The following TMEM108 variants were observed in gnomAD, a reference collection of about 807,000 sequenced individuals.
The protein encoded by TMEM108 is cancer/testis antigen 124.
TMEM108 carries 12 observed loss-of-function variants against 35.1 expected under a neutral mutation model. The ratio of observed to expected loss-of-function variants is 0.34; its 90% confidence interval spans 0.22 to 0.55. The LOEUF (loss-of-function observed/expected upper bound fraction) is 0.55, where lower values mean the gene tolerates loss of function less well. TMEM108 is among the 20% of genes least tolerant of loss of function. The pLI is 0.89. For synonymous variants in TMEM108, 287 were observed against 308.6 expected, an observed-to-expected ratio of 0.93 and a Z score of 0.73; for missense variants, 680 against 753.3, an observed-to-expected ratio of 0.90 and a Z score of 1.14.
At chr3:133,242,999 G>C (rs1436642285) in intron 3 of TMEM108, among the ~76,000 whole-genome samples, 1 of 152,198 alleles carries the variant, frequency 6.6e-6, no homozygotes. Flanking sequence ...AAAAGGCAGA[G>C]AAACAAGGGT....
chr3:133,220,173 G>A (rs1347377508), intron 2 of TMEM108, among the ~76,000 whole-genome samples: 1 of 151,034 alleles, frequency 6.6e-6, no homozygotes, highest in Non-Finnish European at 1.5e-5. Context: ...TGTTTGCATG[G>A]ATTATTTTTC....
chr3:133,303,147 A>AT (rs1214508024), intron 3 of TMEM108: 1 of 152,032 alleles, frequency 6.6e-6, no homozygotes, highest in Non-Finnish European at 1.5e-5. Context: ...CTCTTAACTG[A>AT]TTTTTTAGTG....
intron 2 of TMEM108, among the ~76,000 whole-genome samples, chr3:133,085,465 G>A (rs1943869940): frequency 6.6e-6 from 1 of 152,184 alleles, no homozygotes; most frequent in African/African-American, 2.4e-5. Flanking sequence ...AGAGGCTACA[G>A]CAAGAGATGG....
chr3:133,208,505 C>T (rs1945789969), intron 2 of TMEM108, among the ~76,000 whole-genome samples: 1 of 152,060 alleles, frequency 6.6e-6, no homozygotes, highest in African/African-American at 2.4e-5. Flanking sequence ...TCCAGCTATC[C>T]CATGGTTAGT....
chr3:133,271,745 C>A (rs1946773973), intron 3 of TMEM108, among the ~76,000 whole-genome samples: 1 of 152,102 alleles, frequency 6.6e-6, no homozygotes, highest in Non-Finnish European at 1.5e-5. Flanking sequence ...CTGTCATGAG[C>A]CAGCCCCACC....
intron 2 of TMEM108, among the ~76,000 whole-genome samples, chr3:133,191,001 A>G (rs1387076222): frequency 6.8e-6 from 1 of 146,648 alleles, no homozygotes; most frequent in East Asian, 2.3e-4. Flanking sequence ...ATTAAATGGT[A>G]GTTCTTAGCA....
rs149566619 is a variant in TMEM108 at position 133,384,074 on chromosome 3, T to A, written c.1450+2913T>A. 2.9e-3 allele frequency among the ~76,000 whole-genome samples: 441 copies of A among 152,336 alleles called. 6 individuals carry two copies. Among genetic ancestry groups the A allele is most frequent in the African/African-American group, 1.0e-2 (414 of 41,582 alleles). ...TCCTCATCTATTTGGACTGTTTTCA[T>A]AGCCCAGCACCACTCTAGTTATCAG... On this transcript the variant is annotated intron_variant, in intron 4 of 5. Coordinates refer to ENST00000321871, the MANE Select transcript of TMEM108 (RefSeq NM_023943.4).
intron 2 of TMEM108, among the ~76,000 whole-genome samples, chr3:133,101,520 G>A (rs1369683931): frequency 6.6e-6 from 1 of 152,106 alleles, no homozygotes. Flanking sequence ...GAGCAGTCCT[G>A]ACCTCCCCAA....
intron 5 of TMEM108, among the ~76,000 whole-genome samples, chr3:133,393,504 TCAC>T (rs2073263698): frequency 6.6e-6 from 1 of 152,214 alleles, no homozygotes; most frequent in Admixed American, 6.5e-5. Flanking sequence ...TAAATGTTGT[TCAC>T]CACAATTTAC....
intron 3 of TMEM108, among the ~76,000 whole-genome samples, chr3:133,279,378 A>G (rs1274368945): frequency 2.0e-5 from 3 of 152,216 alleles, no homozygotes; most frequent in South Asian, 2.1e-4. Flanking sequence ...ATGTAAAGAC[A>G]TAACCCAAGG....
intron 2 of TMEM108, among the ~76,000 whole-genome samples, chr3:133,220,966 CA>C (rs1372929575): frequency 1.3e-5 from 2 of 152,140 alleles, no homozygotes; most frequent in Non-Finnish European, 2.9e-5. Flanking sequence ...ATAAAGGATA[CA>C]GGTGAACAGC....
intron 2 of TMEM108, among the ~76,000 whole-genome samples, chr3:133,047,661 G>T (rs1943356609): frequency 6.6e-6 from 1 of 152,164 alleles, no homozygotes; most frequent in South Asian, 2.1e-4. Flanking sequence ...ATTGCCAAAT[G>T]TCCCCTGGAG....
intron 3 of TMEM108, among the ~76,000 whole-genome samples, chr3:133,254,795 T>C (rs1946522289): frequency 3.3e-5 from 5 of 152,160 alleles, no homozygotes; most frequent in African/African-American, 1.2e-4. Context: ...GTCAGTGACT[T>C]AGGATATAGG....
At chr3:133,305,069 G>A (rs1947283125) in intron 3 of TMEM108, among the ~76,000 whole-genome samples, 2 of 152,038 alleles carry the variant, frequency 1.3e-5, no homozygotes, top group South Asian at 2.1e-4. Context: ...AGGCAACAGA[G>A]CGAGACTCTG....
intron 3 of TMEM108, among the ~76,000 whole-genome samples, chr3:133,335,861 G>T (rs952083528): frequency 1.3e-5 from 2 of 152,168 alleles, no homozygotes; most frequent in African/African-American, 4.8e-5. Context: ...CCTCTGCCGG[G>T]AGCTGCACGG....
At chr3:133,097,635 C>CT (rs1944032067) in intron 2 of TMEM108, among the ~76,000 whole-genome samples, 1 of 152,164 alleles carries the variant, frequency 6.6e-6, no homozygotes, top group African/African-American at 2.4e-5. Context: ...ATATTGACTA[C>CT]TACCTATTTT....
At chr3:133,383,820 G>A (rs1366316031) in intron 4 of TMEM108, among the ~76,000 whole-genome samples, 1 of 152,180 alleles carries the variant, frequency 6.6e-6, no homozygotes, top group Non-Finnish European at 1.5e-5. Flanking sequence ...GACTCTGGTA[G>A]CCCCTTGGGA....
At chr3:133,270,301 G>A (rs760264863) in intron 3 of TMEM108, among the ~76,000 whole-genome samples, 1 of 152,128 alleles carries the variant, frequency 6.6e-6, no homozygotes, top group Non-Finnish European at 1.5e-5. Flanking sequence ...TTAGTCTTTT[G>A]TGTTTGCTGC....
At chr3:133,132,800 A>G (rs1194157652) in intron 2 of TMEM108, among the ~76,000 whole-genome samples, 9 of 152,080 alleles carry the variant, frequency 5.9e-5, no homozygotes, top group Admixed American at 5.9e-4. Context: ...TCAGCATTCT[A>G]GATGCCATTA....
Sources: gnomAD v4.1 joint callset for allele counts (sites outside exome capture counted in the v4.1 genomes callset) on GRCh38, gnomAD v4.1.1 for gene constraint, MANE v1.5 for transcripts, NCBI Gene and HGNC (gene_info 2026-07-23, HGNC 2026-07-21) for gene names.